The following RFX3 variants were observed in gnomAD, a reference collection of about 807,000 sequenced individuals.
RFX3 encodes regulatory factor X3.
RFX3 carries 14 observed loss-of-function variants against 98.6 expected under a neutral mutation model. The observed-to-expected ratio is 0.14, with a 90% CI of 0.09 to 0.22. The LOEUF is 0.22. Among genes scored for constraint, RFX3 ranks in the 10% least tolerant of loss-of-function variants. The pLI, the probability that RFX3 is intolerant of heterozygous loss-of-function variation, is 1.00. For synonymous variants in RFX3, 383 were observed against 328.4 expected (o/e 1.17, Z -1.80); for missense variants, 639 against 926.9 (o/e 0.69, Z 4.03).
chr9:3,505,985 C>A (rs566472904), intron 1 of RFX3, among the ~76,000 whole-genome samples: 184 of 151,766 alleles, frequency 1.2e-3, no homozygotes, highest in Middle Eastern at 0.01. Context: ...ACTTTATGTG[C>A]CAATATTTGC....
chr9:3,389,128 T>C (rs1224607974), intron 2 of RFX3, among the ~76,000 whole-genome samples: 1 of 152,116 alleles, frequency 6.6e-6, no homozygotes, highest in Non-Finnish European at 1.5e-5. Context: ...CTGACTTCTG[T>C]CAAAGTTCTA....
chr9:3,424,393 G>C (rs866080866), intron 1 of RFX3, among the ~76,000 whole-genome samples: 196 of 106,266 alleles, frequency 1.8e-3, no homozygotes, highest in Middle Eastern at 0.025. Flanking sequence ...ACGGAGTCTC[G>C]CTCTGTCGCC....
At position 3,362,049 on chromosome 9, in the gene RFX3, T is replaced by C. The variant is rs2131396058; in HGVS notation, c.118-15285A>G. ...ATGAATGTTTGGTATAATTTGTAGGTAAGGATGTTTATACTTCATGAGCAC... is the reference window on the plus strand; with the variant it reads ...ATGAATGTTTGGTATAATTTGTAGGCAAGGATGTTTATACTTCATGAGCAC... On this transcript the variant is annotated intron_variant, in intron 2 of 16. Coordinates refer to ENST00000617270, the MANE Select transcript of RFX3 (RefSeq NM_001282116.2). 1.3e-5 allele frequency among the ~76,000 whole-genome samples: 2 copies of C among 152,332 alleles called. 1 individual carries two copies. The highest frequency in any genetic ancestry group is 6.8e-3 in the Middle Eastern group (2 of 294).
intron 1 of RFX3, among the ~76,000 whole-genome samples, chr9:3,484,954 A>G (rs1850127660): frequency 6.7e-6 from 1 of 150,126 alleles, no homozygotes; most frequent in Admixed American, 6.6e-5. Flanking sequence ...GAAAAAAAAA[A>G]GCTGGGCATG....
chr9:3,521,056 G>T (rs149129036), intron 1 of RFX3, among the ~76,000 whole-genome samples: 1 of 151,900 alleles, frequency 6.6e-6, no homozygotes, highest in South Asian at 2.1e-4. Flanking sequence ...TTTTCCAGTG[G>T]TTTTTTTAAA....
chr9:3,252,094 C>G (rs1286809951), intron 14 of RFX3, among the ~76,000 whole-genome samples: 1 of 151,342 alleles, frequency 6.6e-6, no homozygotes, highest in African/African-American at 2.4e-5. Flanking sequence ...GTGATCCGCC[C>G]ACCTCGGCCT....
chr9:3,448,133 G>A (rs1846214352), intron 1 of RFX3, among the ~76,000 whole-genome samples: 3 of 151,714 alleles, frequency 2.0e-5, no homozygotes, highest in Admixed American at 6.6e-5. Context: ...TTGCTCTTGA[G>A]ATTTACTCTG....
At chr9:3,506,814 C>T (rs1416750206) in intron 1 of RFX3, among the ~76,000 whole-genome samples, 2 of 151,692 alleles carry the variant, frequency 1.3e-5, no homozygotes, top group Non-Finnish European at 2.9e-5. Context: ...ACATGATACT[C>T]TATTTGAAGA....
intron 1 of RFX3, among the ~76,000 whole-genome samples, chr9:3,414,700 GTA>G (rs1339234063): frequency 6.0e-5 from 5 of 83,048 alleles, no homozygotes; most frequent in South Asian, 7.3e-4. Flanking sequence ...GTATATATGA[GTA>G]TATATGAGTA....
At chr9:3,322,215 T>C (rs1438880536) in intron 4 of RFX3, among the ~76,000 whole-genome samples, 3 of 152,160 alleles carry the variant, frequency 2.0e-5, no homozygotes, top group East Asian at 1.9e-4. Flanking sequence ...GGAGGTTAAA[T>C]GTTTAATATT....
At chr9:3,431,505 C>A (rs1224559443) in intron 1 of RFX3, among the ~76,000 whole-genome samples, 4 of 152,016 alleles carry the variant, frequency 2.6e-5, no homozygotes, top group African/African-American at 9.7e-5. Flanking sequence ...ACAGTTACGC[C>A]AACAGGTATG....
intron 3 of RFX3, among the ~76,000 whole-genome samples, chr9:3,334,031 G>A (rs187735520): frequency 6.6e-6 from 1 of 151,982 alleles, no homozygotes; most frequent in African/African-American, 2.4e-5. Context: ...TTAGTCTAAA[G>A]CACAGAGCTG....
chr9:3,374,767 T>C (rs902025538), intron 2 of RFX3, among the ~76,000 whole-genome samples: 3 of 152,034 alleles, frequency 2.0e-5, no homozygotes, highest in African/African-American at 7.3e-5. Context: ...TGGAGACTGG[T>C]TGCACAACAA....
chr9:3,444,556 T>C (rs1264721904), intron 1 of RFX3, among the ~76,000 whole-genome samples: 1 of 152,126 alleles, frequency 6.6e-6, no homozygotes, highest in African/African-American at 2.4e-5. Context: ...AAATTAAAAG[T>C]TAACTATATG....
chr9:3,268,669 A>T (rs1001071766), intron 11 of RFX3, among the ~76,000 whole-genome samples: 9 of 151,952 alleles, frequency 5.9e-5, no homozygotes, highest in Admixed American at 1.3e-4. Context: ...ACTGGTTTTC[A>T]AATCAAAATT....
At chr9:3,427,114 T>G (rs1414423499) in intron 1 of RFX3, among the ~76,000 whole-genome samples, 1 of 151,206 alleles carries the variant, frequency 6.6e-6, no homozygotes. Flanking sequence ...AACTAGGCCA[T>G]CTCAAGGTCT....
chr9:3,351,065 G>A (rs984588636), intron 2 of RFX3, among the ~76,000 whole-genome samples: 1 of 151,042 alleles, frequency 6.6e-6, no homozygotes, highest in Non-Finnish European at 1.5e-5. Flanking sequence ...ACAACACCGA[G>A]AATGAACTCT....
intron 1 of RFX3, among the ~76,000 whole-genome samples, chr9:3,454,910 CTG>C (rs1233291087): frequency 1.3e-5 from 2 of 152,194 alleles, no homozygotes; most frequent in Non-Finnish European, 2.9e-5. Flanking sequence ...AATGGTAAAA[CTG>C]AGACTCATAC....
Position 3,320,768 on chromosome 9 carries a change from CATATATATATATATATATATATATATAT to C in RFX3, c.474+9463_474+9490del, listed in dbSNP as rs34990458. On this transcript the variant is annotated intron_variant, in intron 4 of 16. Coordinates refer to ENST00000617270, the MANE Select transcript of RFX3 (RefSeq NM_001282116.2). ...TATACATATAATGCATGCTACATAG[CATATATATATATATATATATATATATAT>C]ATATATATATATATAGCCTCATTAT... Among the ~76,000 whole-genome samples, 11 of 85,892 alleles carry C rather than the reference CATATATATATATATATATATATATATAT, an allele frequency of 1.3e-4. No homozygotes were observed. In the East Asian group the frequency reaches 2.1e-3, roughly 17 times the overall value. 56.3% of individuals were successfully genotyped at this position (85,892 alleles called of 152,430 possible). A position where few individuals can be genotyped will look rare whatever the true frequency, so the allele number is the denominator to read the frequency against.
Sources: allele counts gnomAD v4.1 joint callset (sites outside exome capture counted in the v4.1 genomes callset), GRCh38; gene constraint gnomAD v4.1.1; transcripts MANE v1.5; gene names NCBI Gene and HGNC (gene_info 2026-07-23, HGNC 2026-07-21).